Variants in NLRC5 observed in about 807,000 individuals in gnomAD.
NLRC5 encodes NLR family CARD domain containing 5, also known as protein NLRC5.
A neutral mutation model predicts 206.9 loss-of-function variants in NLRC5; 114 were observed. That is an observed-to-expected ratio of 0.55 (90% CI 0.47 to 0.64). The LOEUF is 0.64. NLRC5 is among the 30% of genes least tolerant of loss of function. The pLI is 0.00. For missense variants in NLRC5, 2,008 were observed against 2,305.5 expected, an observed-to-expected ratio of 0.87 and a Z score of 2.64; for synonymous variants, 952 against 962.8, an observed-to-expected ratio of 0.99 and a Z score of 0.21.
Position 57,082,592 on chromosome 16 carries a change from A to G in NLRC5, c.*64A>G. The G allele has an allele frequency of 1.6e-6, 2 of 1,247,452 alleles. No individual in the cohort carries two copies. Among genetic ancestry groups the G allele is most frequent in the Non-Finnish European group, 2.3e-6 (2 of 860,938 alleles). The allele number at this position is 1,247,452 out of a possible 1,614,324, so 77.3% of individuals were successfully genotyped here. On this transcript the variant is annotated 3_prime_UTR_variant, in exon 49 of 49. Coordinates refer to ENST00000688547, the MANE Select transcript of NLRC5 (RefSeq NM_001384950.1). ...CACCCAAATGATCCACCTTTCGCCC[A>G]CTGGGATAATTGACTCAGGAAAGAA...
At chr16:57,059,288 C>T in intron 29 of NLRC5, 179 bp from the exon 30 acceptor site, 1 of 1,461,040 alleles carries the variant, frequency 6.8e-7, no homozygotes, top group Non-Finnish European at 9.0e-7. Flanking sequence ...GGTGGGAAGG[C>T]CAGGTATTGC....
In NLRC5 at chr16:57,022,449, C is replaced by G. The variant is rs1379932631; in HGVS notation, c.355+134C>G. The G allele has an allele frequency of 4.0e-6, 3 of 742,770 alleles. No homozygotes were observed. In the African/African-American group the frequency reaches 5.3e-5, roughly 13 times the overall value. The allele number at this position is 742,770 out of a possible 1,614,324, so 46.0% of individuals were successfully genotyped here. A position where few individuals can be genotyped will look rare whatever the true frequency, so the allele number is the denominator to read the frequency against. ...TCATAGGCCATGCTCTTCGTCTGTCCCTGACCCATTTGCAAGTGTGTCAAG... is the reference window on the plus strand; with the variant it reads ...TCATAGGCCATGCTCTTCGTCTGTCGCTGACCCATTTGCAAGTGTGTCAAG... On this transcript the variant is annotated intron_variant, in intron 4 of 48. Coordinates refer to ENST00000688547, the MANE Select transcript of NLRC5 (RefSeq NM_001384950.1).
At chr16:57,054,897 G>T in intron 25 of NLRC5, 57 bp downstream of exon 25, 3 of 1,592,660 alleles carry the variant, frequency 1.9e-6, no homozygotes, top group Non-Finnish European at 2.6e-6. Flanking sequence ...CCTGGAGTCT[G>T]GTGGGTATGA....
At chr16:57,047,431 C>T (rs1276713472) in intron 22 of NLRC5, 114 bp from the exon 23 acceptor site, 4 of 877,502 alleles carry the variant, frequency 4.6e-6, no homozygotes, top group Non-Finnish European at 5.5e-6. Flanking sequence ...GGGGAAGGGG[C>T]CTGTGGCCTC....
At chr16:57,022,495 C>G (rs2060787020) in intron 4 of NLRC5, among the ~76,000 whole-genome samples, 180 bp downstream of exon 4, 1 of 152,222 alleles carries the variant, frequency 6.6e-6, no homozygotes, top group Non-Finnish European at 1.5e-5. Flanking sequence ...TGTCTCCCAG[C>G]CCCACCTCCT....
intron 1 of NLRC5, among the ~76,000 whole-genome samples, chr16:56,997,193 T>C (rs567706362): frequency 6.6e-6 from 1 of 152,250 alleles, no homozygotes; most frequent in East Asian, 1.9e-4. Flanking sequence ...TAAATCCACC[T>C]TTTGTTGCTT....
At chr16:56,996,064 T>C (rs1014837255) in intron 1 of NLRC5, among the ~76,000 whole-genome samples, 1 of 152,212 alleles carries the variant, frequency 6.6e-6, no homozygotes, top group Non-Finnish European at 1.5e-5. Flanking sequence ...ACTCTTGATA[T>C]TTTCAGCAAG....
Position 57,033,633 on chromosome 16 carries a change from A to T in NLRC5, c.2507A>T (p.Gln836Leu), listed in dbSNP as rs2062136738. 2 of 1,614,134 alleles carry T rather than the reference A, an allele frequency of 1.2e-6. No homozygotes were observed. Among genetic ancestry groups the T allele is most frequent in the Non-Finnish European group, 1.7e-6 (2 of 1,180,010 alleles). The part of the protein sequence containing the change: ...RAPDLQESDG[Q>L]RKGAQSRSLT... The stretch of plus-strand genomic sequence containing the variant: ...CCAGACCTGCAGGAAAGTGACGGCC[A>T]GAGGAAAGGGGCTCAGAGCAGAAGC... Residue 836 changes from glutamine (Q) to leucine (L), a missense_variant, in exon 12 of 49, where the codon CAG (glutamine) becomes CTG (leucine). Coordinates refer to ENST00000688547, the MANE Select transcript of NLRC5 (RefSeq NM_001384950.1).
At chr16:57,071,746 G>A (rs1355005116) in intron 38 of NLRC5, among the ~76,000 whole-genome samples, 1 of 146,098 alleles carries the variant, frequency 6.8e-6, no homozygotes, top group Non-Finnish European at 1.5e-5. Flanking sequence ...AAGGGGTGGG[G>A]GTGGTTAATA....
intron 38 of NLRC5, among the ~76,000 whole-genome samples, chr16:57,073,294 G>A (rs114093369): frequency 0.012 from 1,762 of 152,260 alleles, 35 homozygotes; most frequent in African/African-American, 0.039. Flanking sequence ...GGGATGGATC[G>A]TCAGTGCCCG....
chr16:57,028,245 C>T, intron 7 of NLRC5, 57 bp from the exon 8 acceptor site: 2 of 1,586,030 alleles, frequency 1.3e-6, no homozygotes, highest in Non-Finnish European at 1.7e-6. Flanking sequence ...AGGCAGATTC[C>T]TGGCCCCGCC....
At chr16:57,032,235 C>G (rs973097546) in intron 11 of NLRC5, among the ~76,000 whole-genome samples, 1 of 151,878 alleles carries the variant, frequency 6.6e-6, no homozygotes, top group African/African-American at 2.4e-5. Flanking sequence ...ATAGCAAGAC[C>G]CCATCTCTAA....
At chr16:57,024,647 T>G (rs1381036085) in intron 5 of NLRC5, among the ~76,000 whole-genome samples, 1 of 152,190 alleles carries the variant, frequency 6.6e-6, no homozygotes, top group Non-Finnish European at 1.5e-5. Context: ...CCCTGGGCAT[T>G]GCAGAACTGA....
chr16:57,000,169 C>T (rs2142273308), intron 1 of NLRC5, among the ~76,000 whole-genome samples: 1 of 152,306 alleles, frequency 6.6e-6, no homozygotes, highest in South Asian at 2.1e-4. Flanking sequence ...CCACCCACCC[C>T]TTCCTGTGGG....
intron 47 of NLRC5, 125 bp downstream of exon 47, chr16:57,081,306 C>A: frequency 9.7e-7 from 1 of 1,027,718 alleles, no homozygotes; most frequent in Non-Finnish European, 1.4e-6. Flanking sequence ...ACACTCTGGC[C>A]TGTTCCAAGC....
rs146849694 is a variant in NLRC5 at position 57,065,616 on chromosome 16, C to T, written c.4241+318C>T. Among the ~76,000 whole-genome samples, 268 of 152,306 alleles carry T rather than the reference C, an allele frequency of 1.8e-3. 1 individual carries two copies. The highest frequency in any genetic ancestry group is 6.3e-3 in the African/African-American group (263 of 41,550). On this transcript the variant is annotated intron_variant, in intron 33 of 48. Transcript: ENST00000688547. ...CCAGATGCAGTAACACACATTATGG[C>T]TCTTCAACCAGAAATAACACAATGA...
At chr16:57,048,774 T>C (rs2064374263) in intron 23 of NLRC5, among the ~76,000 whole-genome samples, 1 of 152,178 alleles carries the variant, frequency 6.6e-6, no homozygotes, top group African/African-American at 2.4e-5. Flanking sequence ...CCTCAAGTGA[T>C]CCACCTTCCT....
intron 43 of NLRC5, among the ~76,000 whole-genome samples, chr16:57,078,638 T>G (rs2068745821): frequency 6.6e-6 from 1 of 151,786 alleles, no homozygotes; most frequent in African/African-American, 2.4e-5. Flanking sequence ...GCCCAGCTAA[T>G]TTTTGTATTT....
At chr16:57,022,184 C>T (rs186467812) in intron 3 of NLRC5, 72 bp from the exon 4 acceptor site, 55 of 1,337,832 alleles carry the variant, frequency 4.1e-5, no homozygotes, top group South Asian at 6.4e-5. Flanking sequence ...CTGAGCCAGG[C>T]GCCAGGCCAG....
Sources: gnomAD v4.1 joint callset for allele counts (sites outside exome capture counted in the v4.1 genomes callset) on GRCh38, gnomAD v4.1.1 for gene constraint, MANE v1.5 for transcripts, NCBI Gene and HGNC (gene_info 2026-07-23, HGNC 2026-07-21) for gene names.